The following DNAJA3 variants were observed in gnomAD, a reference collection of about 807,000 sequenced individuals.
DNAJA3 encodes DnaJ heat shock protein family (Hsp40) member A3.
A neutral mutation model predicts 54.9 loss-of-function variants in DNAJA3; 29 were observed. The observed-to-expected ratio is 0.53, with a 90% confidence interval of 0.39 to 0.72. DNAJA3 has a LOEUF of 0.72. Ranked by LOEUF, DNAJA3 falls within the 30% of genes least tolerant of loss-of-function variation. DNAJA3 has a pLI of 0.00. For synonymous variants in DNAJA3, 302 were observed against 251.4 expected, an observed-to-expected ratio of 1.20 and a Z score of -1.90; for missense variants, 708 against 639.4, an observed-to-expected ratio of 1.11 and a Z score of -1.16.
At chr16:4,429,855 A>G (rs1363260679) in intron 1 of DNAJA3, among the ~76,000 whole-genome samples, 1 of 151,616 alleles carries the variant, frequency 6.6e-6, no homozygotes, top group Non-Finnish European at 1.5e-5. Flanking sequence ...AAATTAGCCA[A>G]CTATGGTGGC....
chr16:4,426,489 C>T (rs966615476), intron 1 of DNAJA3, among the ~76,000 whole-genome samples: 31 of 152,156 alleles, frequency 2.0e-4, no homozygotes, highest in African/African-American at 7.0e-4. Context: ...AGATGCCTGC[C>T]GTCATCACCA....
At chr16:4,455,112 A>T (rs1485673945) in intron 11 of DNAJA3, among the ~76,000 whole-genome samples, 185 bp downstream of exon 11, 1 of 152,174 alleles carries the variant, frequency 6.6e-6, no homozygotes, top group Non-Finnish European at 1.5e-5. Context: ...TGACGTGGCA[A>T]TCAGCCTGTA....
At chr16:4,442,943 C>G (rs760319888) in intron 5 of DNAJA3, 74 bp from the exon 6 acceptor site, 1 of 1,521,142 alleles carries the variant, frequency 6.6e-7, no homozygotes, top group Non-Finnish European at 9.0e-7. Flanking sequence ...ATTTTTCTTA[C>G]GCACATTGTG....
chr16:4,439,021 TA>T (rs2056807731), intron 3 of DNAJA3, among the ~76,000 whole-genome samples: 1 of 152,074 alleles, frequency 6.6e-6, no homozygotes, highest in African/African-American at 2.4e-5. Context: ...AAGATAAGAT[TA>T]ATTTTTTTTT....
chr16:4,435,058 G>A (rs1596361856), intron 2 of DNAJA3, among the ~76,000 whole-genome samples: 1 of 151,726 alleles, frequency 6.6e-6, no homozygotes, highest in Admixed American at 6.6e-5. Context: ...CACCACACCC[G>A]GCTAATTTTT....
intron 2 of DNAJA3, among the ~76,000 whole-genome samples, chr16:4,435,647 A>G (rs1489332718): frequency 6.6e-6 from 1 of 152,156 alleles, no homozygotes; most frequent in East Asian, 1.9e-4. Context: ...CATCTGTGTT[A>G]TAGTTTGTGT....
At position 4,441,540 on chromosome 16, in the gene DNAJA3, G is replaced by A; in HGVS notation, c.595G>A (p.Gly199Arg). The A allele has an allele frequency of 1.2e-6, 2 of 1,614,140 alleles. No homozygotes were observed. The highest frequency in any genetic ancestry group is 1.7e-6 in the Non-Finnish European group (2 of 1,180,030). The change falls in exon 4 of 12, where the codon GGA becomes AGA. Residue 199 changes from glycine (G) to arginine (R), a missense_variant. Transcript: ENST00000262375. ...IFGEFSSSSF[G>R]DFQTVFDQPQ... ...TGGCGAGTTCTCATCCTCTTCATTT[G>A]GAGATTTCCAGACCGTGTTTGATCA...
Position 4,426,065 on chromosome 16 carries a change from A to C in DNAJA3, c.184A>C (p.Thr62Pro). Residue 62 changes from threonine (T) to proline (P), a missense_variant, in exon 1 of 12, where the codon ACA (threonine) becomes CCA (proline). Coordinates refer to ENST00000262375, the MANE Select transcript of DNAJA3 (RefSeq NM_005147.6). ...CTCTTGCGGCCCCCGAGCGCTGCTG[A>C]CATTGAGACCTGGTGTCAGCCTTAC... ...LTSCGPRALL[T>P]LRPGVSLTGT... 1 of 1,602,194 alleles carries C rather than the reference A, an allele frequency of 6.2e-7. No individual in the cohort carries two copies. The highest frequency in any genetic ancestry group is 1.1e-5 in the South Asian group (1 of 89,538).
At chr16:4,431,943 T>A (rs1014640915) in intron 1 of DNAJA3, 1 of 152,030 alleles carries the variant, frequency 6.6e-6, no homozygotes, top group African/African-American at 2.4e-5. Flanking sequence ...GGCTCCCTAT[T>A]GCTCTTAGGA....
intron 1 of DNAJA3, among the ~76,000 whole-genome samples, chr16:4,428,958 G>T (rs1027572801): frequency 6.9e-6 from 1 of 144,184 alleles, no homozygotes; most frequent in East Asian, 2.0e-4. Context: ...GCACGATCTC[G>T]GCTCACTGCA....
chr16:4,454,739 T>G (rs942969462), intron 10 of DNAJA3, 72 bp from the exon 11 acceptor site: 2 of 1,181,540 alleles, frequency 1.7e-6, no homozygotes, highest in Non-Finnish European at 2.5e-6. Flanking sequence ...CAGGCGGGGG[T>G]AGGTGGGCCC....
intron 3 of DNAJA3, among the ~76,000 whole-genome samples, chr16:4,439,312 C>T (rs1387674407): frequency 1.3e-5 from 2 of 150,984 alleles, no homozygotes; most frequent in East Asian, 1.9e-4. Flanking sequence ...CCGAAGATTG[C>T]GCCATTGTAC....
chr16:4,426,134 T>G, intron 1 of DNAJA3, 42 bp downstream of exon 1: 1 of 1,495,854 alleles, frequency 6.7e-7, no homozygotes, highest in South Asian at 1.3e-5. Context: ...TTTCAGGGCC[T>G]AGAAAAGAGT....
chr16:4,453,912 C>T (rs542714588), intron 10 of DNAJA3, among the ~76,000 whole-genome samples: 1 of 152,330 alleles, frequency 6.6e-6, no homozygotes, highest in East Asian at 1.9e-4. Flanking sequence ...TAAAAATGAG[C>T]TCTACAATTA....
At chr16:4,431,458 C>T (rs1480755089) in intron 1 of DNAJA3, 6 of 152,336 alleles carry the variant, frequency 3.9e-5, no homozygotes, top group African/African-American at 1.4e-4. Context: ...CTGACCATTC[C>T]TATCCATTCT....
chr16:4,437,544 T>C, intron 3 of DNAJA3, 59 bp downstream of exon 3: 1 of 1,452,830 alleles, frequency 6.9e-7, no homozygotes, highest in East Asian at 2.3e-5. Flanking sequence ...GAATCAAAGG[T>C]TGCATTGCTA....
At chr16:4,436,118 CT>C (rs778007966) in intron 2 of DNAJA3, among the ~76,000 whole-genome samples, 73 of 152,104 alleles carry the variant, frequency 4.8e-4, no homozygotes, top group Non-Finnish European at 9.0e-4. Context: ...ATTAGTATGT[CT>C]TTGGAGAAAC....
At chr16:4,447,828 G>C (rs1212542200) in intron 8 of DNAJA3, 2 of 97,508 alleles carry the variant, frequency 2.1e-5, no homozygotes, top group African/African-American at 5.9e-5. Context: ...TTTTTTTTTT[G>C]AGATGGAGTC....
chr16:4,434,123 T>C (rs1489009155), intron 1 of DNAJA3: 1 of 417,628 alleles, frequency 2.4e-6, no homozygotes, highest in African/African-American at 2.1e-5. Flanking sequence ...CATAAAACTA[T>C]CAGATCTCAT....
Sources: allele counts gnomAD v4.1 joint callset (sites outside exome capture counted in the v4.1 genomes callset), GRCh38; gene constraint gnomAD v4.1.1; transcripts MANE v1.5; gene names NCBI Gene and HGNC (gene_info 2026-07-23, HGNC 2026-07-21).